IGFBP7: variants seen among roughly 807,000 people sequenced by gnomAD.
IGFBP7 encodes insulin like growth factor binding protein 7.
Under a neutral mutation model 29.4 loss-of-function variants are expected in IGFBP7, and 31 were observed. The ratio of observed to expected loss-of-function variants is 1.05; its 90% CI spans 0.79 to 1.42. IGFBP7 has a LOEUF of 1.42. Among genes scored for constraint, IGFBP7 ranks in the 40% most tolerant of loss-of-function variants. The pLI is 0.00. For missense variants in IGFBP7, 393 were observed against 395.5 expected, an observed-to-expected ratio of 0.99 and a Z score of 0.05; for synonymous variants, 172 against 174.9, an observed-to-expected ratio of 0.98 and a Z score of 0.13.
chr4:57,092,802 G>A (rs1033776144), intron 1 of IGFBP7, among the ~76,000 whole-genome samples: 25 of 150,834 alleles, frequency 1.7e-4, no homozygotes, highest in African/African-American at 4.6e-4. Context: ...ACAGAAAAAC[G>A]AGTAAATTAT....
intron 1 of IGFBP7, among the ~76,000 whole-genome samples, chr4:57,053,816 T>C (rs536720824): frequency 2.1e-5 from 3 of 141,346 alleles, no homozygotes; most frequent in Non-Finnish European, 4.6e-5. Flanking sequence ...TTTCCACATC[T>C]CATGGGCCTG....
intron 1 of IGFBP7, among the ~76,000 whole-genome samples, chr4:57,099,618 C>T (rs553885174): frequency 2.0e-5 from 3 of 152,268 alleles, no homozygotes; most frequent in African/African-American, 4.8e-5. Flanking sequence ...AAACAGCACA[C>T]GCAAACATTA....
chr4:57,042,961 C>G (rs545689651), intron 1 of IGFBP7, among the ~76,000 whole-genome samples: 2 of 152,182 alleles, frequency 1.3e-5, no homozygotes, highest in Non-Finnish European at 2.9e-5. Context: ...ATGCAAGTAA[C>G]CCCCTGGGTG....
intron 1 of IGFBP7, among the ~76,000 whole-genome samples, chr4:57,046,482 AT>A (rs1372734090): frequency 1.3e-5 from 2 of 152,096 alleles, no homozygotes; most frequent in East Asian, 3.9e-4. Flanking sequence ...CTCTGAGCTA[AT>A]TTTCTCATAC....
chr4:57,098,538 T>A (rs910923439), intron 1 of IGFBP7, among the ~76,000 whole-genome samples: 5 of 152,118 alleles, frequency 3.3e-5, no homozygotes, highest in African/African-American at 1.2e-4. Flanking sequence ...TCAGATCAAC[T>A]TTTCCGTCCT....
intron 1 of IGFBP7, among the ~76,000 whole-genome samples, chr4:57,043,642 G>A (rs1376483614): frequency 6.6e-6 from 1 of 152,202 alleles, no homozygotes; most frequent in Non-Finnish European, 1.5e-5. Context: ...ACAATCAAAA[G>A]TTTGGAAAGC....
In IGFBP7 at chr4:57,030,943, G is replaced by A; in HGVS notation, c.*374C>T. 1 of 1,610,152 alleles carries A rather than the reference G, an allele frequency of 6.2e-7. No individual in the cohort carries two copies. The highest frequency in any genetic ancestry group is 8.5e-7 in the Non-Finnish European group (1 of 1,176,474). On this transcript the variant is annotated 3_prime_UTR_variant, in exon 5 of 5. Coordinates refer to ENST00000295666, the MANE Select transcript of IGFBP7 (RefSeq NM_001553.3). Reference sequence around the variant, plus strand: ...CTTACGCATGCAAACTATTGTTTCAGGAACTTATGTCTATGAGTATTGCAC... The same window carrying A: ...CTTACGCATGCAAACTATTGTTTCAAGAACTTATGTCTATGAGTATTGCAC...
chr4:57,082,455 A>G (rs1725391452), intron 1 of IGFBP7, among the ~76,000 whole-genome samples: 1 of 152,184 alleles, frequency 6.6e-6, no homozygotes, highest in Non-Finnish European at 1.5e-5. Flanking sequence ...GATGAACTGA[A>G]ATATCACCCC....
At chr4:57,038,500 C>T (rs1183042854) in intron 2 of IGFBP7, among the ~76,000 whole-genome samples, 2 of 152,124 alleles carry the variant, frequency 1.3e-5, no homozygotes, top group Non-Finnish European at 2.9e-5. Context: ...GCTGGTAGAA[C>T]TTGCAACAGA....
Position 57,031,274 on chromosome 4 carries a change from C to T in IGFBP7, c.*43G>A, listed in dbSNP as rs200254142. On this transcript the variant is annotated 3_prime_UTR_variant, in exon 5 of 5. Coordinates refer to ENST00000295666, the MANE Select transcript of IGFBP7 (RefSeq NM_001553.3). ...GGCAAGAACAGGTAATGTAGTTATC[C>T]ATGACTACTTTTAACCATGCAGACT... is the stretch of plus-strand genomic sequence containing the variant. 6.6e-7 allele frequency: 1 copy of T among 1,526,224 alleles called. No individual in the cohort carries two copies. The highest frequency in any genetic ancestry group is 2.3e-5 in the East Asian group (1 of 44,352). The allele number at this position is 1,526,224 out of a possible 1,614,324, so 94.5% of individuals were successfully genotyped here.
rs968647440 is a variant in IGFBP7, at chr4:57,046,254, C to T, written c.476-5321G>A. Among the ~76,000 whole-genome samples, 4 of 152,172 alleles carry T rather than the reference C, an allele frequency of 2.6e-5. No homozygotes were observed. In the South Asian group the frequency reaches 8.3e-4, roughly 32 times the overall value. The stretch of plus-strand genomic sequence containing the variant: ...CTCAAGAACTATCATCCCACACATT[C>T]CATTGATCAGCAATTTCACTGCCAA... On this transcript the variant is annotated intron_variant, in intron 1 of 4. Transcript: ENST00000295666.
chr4:57,050,919 GAT>G (rs1724489947), intron 1 of IGFBP7, among the ~76,000 whole-genome samples: 1 of 152,092 alleles, frequency 6.6e-6, no homozygotes, highest in East Asian at 1.9e-4. Flanking sequence ...TCCGAGTTAT[GAT>G]AGATTTGCAA....
chr4:57,097,017 C>A (rs1725778611), intron 1 of IGFBP7, among the ~76,000 whole-genome samples: 1 of 152,114 alleles, frequency 6.6e-6, no homozygotes, highest in Non-Finnish European at 1.5e-5. Context: ...TCTTTTTCTG[C>A]CAAACTCTGT....
chr4:57,040,776 A>C, intron 2 of IGFBP7, 48 bp downstream of exon 2: 1 of 1,284,074 alleles, frequency 7.8e-7, no homozygotes. Flanking sequence ...GTGCAGTGCA[A>C]GAGAAGCTTG....
rs1041116042 is a variant in IGFBP7, at chr4:57,060,013, G to C, written c.476-19080C>G. Among the ~76,000 whole-genome samples, 4 of 152,320 alleles carry C rather than the reference G, an allele frequency of 2.6e-5. No homozygotes were observed. The South Asian group carries it at 8.3e-4, about 32-fold the overall frequency. ...GGATTAATTTGTCCCAGTCCATCAT[G>C]AACTAAGTGATGTGCTGGGTCACAT... On this transcript the variant is annotated intron_variant, in intron 1 of 4. Coordinates refer to ENST00000295666, the MANE Select transcript of IGFBP7 (RefSeq NM_001553.3).
chr4:57,054,674 A>AATAGATGT, intron 1 of IGFBP7, among the ~76,000 whole-genome samples: 1 of 149,570 alleles, frequency 6.7e-6, no homozygotes, highest in East Asian at 2.0e-4. Context: ...AAGAAGAAGA[A>AATAGATGT]ATAGATGTGC....
At position 57,084,467 on chromosome 4, in the gene IGFBP7, A is replaced by G. The variant is rs190643676; in HGVS notation, c.475+25410T>C. On this transcript the variant is annotated intron_variant, in intron 1 of 4. Coordinates refer to ENST00000295666, the MANE Select transcript of IGFBP7 (RefSeq NM_001553.3). Reference sequence around the variant, plus strand: ...CTTGAACATTTTGAGAGTAAGTCACATGTTTATGCATTATACTATTCTGAT... The same window carrying G: ...CTTGAACATTTTGAGAGTAAGTCACGTGTTTATGCATTATACTATTCTGAT... Among the ~76,000 whole-genome samples the G allele has an allele frequency of 1.6e-3, 239 of 152,342 alleles. No individual in the cohort carries two copies. In the Middle Eastern group the frequency reaches 0.02, roughly 13 times the overall value.
At position 57,061,273 on chromosome 4, in the gene IGFBP7, T is replaced by C. The variant is rs549684728; in HGVS notation, c.476-20340A>G. Among the ~76,000 whole-genome samples, 60 of 152,254 alleles carry C rather than the reference T, an allele frequency of 3.9e-4. 2 individuals are homozygous for C. The South Asian group carries it at 0.011, about 29-fold the overall frequency. On this transcript the variant is annotated intron_variant, in intron 1 of 4. Transcript: ENST00000295666. The stretch of plus-strand genomic sequence containing the variant: ...AAACTGTGGATAGTACCGAACTTTA[T>C]ACAGTATATATTAATAGTATATATT...
At chr4:57,085,520 G>C (rs1725476832) in intron 1 of IGFBP7, among the ~76,000 whole-genome samples, 1 of 152,108 alleles carries the variant, frequency 6.6e-6, no homozygotes, top group Non-Finnish European at 1.5e-5. Flanking sequence ...ATTTTGGCTT[G>C]TTACTCTTTA....
Sources: allele counts gnomAD v4.1 joint callset (sites outside exome capture counted in the v4.1 genomes callset), GRCh38; gene constraint gnomAD v4.1.1; transcripts MANE v1.5; gene names NCBI Gene and HGNC (gene_info 2026-07-23, HGNC 2026-07-21).